ACMSD: variants seen among roughly 807,000 people sequenced by gnomAD.
ACMSD encodes aminocarboxymuconate semialdehyde decarboxylase, also known as 2-amino-3-carboxymuconate-6-semialdehyde decarboxylase.
ACMSD carries 37 observed loss-of-function variants against 45.9 expected under a neutral mutation model. That is an observed-to-expected ratio of 0.81 (90% confidence interval 0.62 to 1.06). ACMSD has a LOEUF of 1.06. Among genes scored for constraint, ACMSD ranks in the 50% least tolerant of loss-of-function variants. The pLI is 0.00. For missense variants in ACMSD, 434 were observed against 420.9 expected, an observed-to-expected ratio of 1.03 and a Z score of -0.27; for synonymous variants, 138 against 148.8, an observed-to-expected ratio of 0.93 and a Z score of 0.53.
chr2:134,867,527 C>A, intron 5 of ACMSD, 52 bp from the exon 6 acceptor site: 1 of 1,421,170 alleles, frequency 7.0e-7, no homozygotes, highest in Non-Finnish European at 9.9e-7. Context: ...TACCTGGTAT[C>A]TGCTCACTCA....
At chr2:134,872,743 A>G in intron 8 of ACMSD, 102 bp downstream of exon 8, 1 of 1,374,322 alleles carries the variant, frequency 7.3e-7, no homozygotes, top group Non-Finnish European at 1.0e-6. Context: ...GGATGGAAGA[A>G]AGGTATTAGA....
chr2:134,844,759 C>T (rs920844972), intron 1 of ACMSD, among the ~76,000 whole-genome samples: 1 of 152,112 alleles, frequency 6.6e-6, no homozygotes, highest in African/African-American at 2.4e-5. Flanking sequence ...GAGCGGGACA[C>T]CAACAGCATC....
chr2:134,895,141 T>C (rs1377211387), intron 8 of ACMSD, among the ~76,000 whole-genome samples: 1 of 150,954 alleles, frequency 6.6e-6, no homozygotes, highest in Admixed American at 6.6e-5. Context: ...ACATCCCTAC[T>C]AAAAATACAA....
At position 134,896,753 on chromosome 2, in the gene ACMSD, C is replaced by T. The variant is rs553934057; in HGVS notation, c.850-1588C>T. Among the ~76,000 whole-genome samples, 170 of 152,254 alleles carry T rather than the reference C, an allele frequency of 1.1e-3. 3 individuals are homozygous for T. Among genetic ancestry groups the T allele is most frequent in the Middle Eastern group, 6.8e-3 (2 of 294 alleles). ...GAAAATAGTTTCTCAAAATGTTAAACATGGACTCACCATATGCGCCAGCAC... is the reference window on the plus strand; with the variant it reads ...GAAAATAGTTTCTCAAAATGTTAAATATGGACTCACCATATGCGCCAGCAC... On this transcript the variant is annotated intron_variant, in intron 8 of 9. Coordinates refer to ENST00000356140, the MANE Select transcript of ACMSD (RefSeq NM_138326.3).
At chr2:134,858,419 C>A (rs1381557791) in intron 2 of ACMSD, among the ~76,000 whole-genome samples, 1 of 151,956 alleles carries the variant, frequency 6.6e-6, no homozygotes, top group African/African-American at 2.4e-5. Context: ...TTCAGTTAGA[C>A]AGGAGGAATA....
intron 9 of ACMSD, among the ~76,000 whole-genome samples, chr2:134,900,239 T>A (rs1022032699): frequency 2.4e-4 from 37 of 152,172 alleles, no homozygotes; most frequent in Admixed American, 2.3e-3. Flanking sequence ...AAATAATTCA[T>A]AAGTTTTAAA....
At chr2:134,884,000 G>T (rs1048870749) in intron 8 of ACMSD, among the ~76,000 whole-genome samples, 1 of 151,958 alleles carries the variant, frequency 6.6e-6, no homozygotes, top group Non-Finnish European at 1.5e-5. Flanking sequence ...TATGCCTATC[G>T]CTTTCTCTCT....
chr2:134,863,664 C>T (rs746791848), intron 5 of ACMSD, 33 bp downstream of exon 5: 105 of 1,607,410 alleles, frequency 6.5e-5, no homozygotes, highest in South Asian at 1.2e-4. Flanking sequence ...CAACGCCAGC[C>T]GCCCAGTGCC....
chr2:134,886,233 C>T (rs1169666700), intron 8 of ACMSD, among the ~76,000 whole-genome samples: 1 of 128,308 alleles, frequency 7.8e-6, no homozygotes, highest in African/African-American at 3.2e-5. Flanking sequence ...ATTACCCATT[C>T]ATTATTATTA....
intron 8 of ACMSD, among the ~76,000 whole-genome samples, chr2:134,897,139 G>GA (rs1690200849): frequency 6.6e-6 from 1 of 151,586 alleles, no homozygotes; most frequent in African/African-American, 2.4e-5. Context: ...TATGGTATGT[G>GA]AATTATATCT....
intron 2 of ACMSD, 144 bp downstream of exon 2, chr2:134,845,421 AT>A: frequency 2.5e-6 from 2 of 814,212 alleles, no homozygotes; most frequent in Non-Finnish European, 4.0e-6. Flanking sequence ...CAGCACTGAG[AT>A]TTCTCAGAAT....
rs375728090 is a variant in ACMSD, at chr2:134,901,813, G to A, written c.964G>A (p.Gly322Ser). The change falls in exon 10 of 10, where the codon GGC becomes AGC. Residue 322 changes from glycine (G) to serine (S), a missense_variant. Gly to Ser is a moderately conservative substitution (Grantham distance 56, BLOSUM62 0). Transcript: ENST00000356140. ...TTCTTTTCAGAATAAACTCAAAGCC[G>A]GCAATGCCCTGGCATTTTTGGGTCT... ...DEETKNKLKAGNALAFLGLER... is the reference protein window; with the variant it reads ...DEETKNKLKASNALAFLGLER... The A allele has an allele frequency of 7.8e-5, 125 of 1,598,456 alleles. No homozygotes were observed. Among genetic ancestry groups the A allele is most frequent in the African/African-American group, 6.0e-4 (45 of 74,680 alleles).
chr2:134,877,291 TATGTGATGC>T (rs1688787565), intron 8 of ACMSD, among the ~76,000 whole-genome samples: 1 of 152,182 alleles, frequency 6.6e-6, no homozygotes, highest in Non-Finnish European at 1.5e-5. Flanking sequence ...AAAACATCAT[TATGTGATGC>T]ATGACTGTAA....
intron 8 of ACMSD, among the ~76,000 whole-genome samples, chr2:134,887,822 G>A (rs1360635047): frequency 6.6e-6 from 1 of 152,092 alleles, no homozygotes; most frequent in African/African-American, 2.4e-5. Context: ...CATATGGGGG[G>A]GAAATGAACC....
At chr2:134,857,537 T>G (rs1481621546) in intron 2 of ACMSD, among the ~76,000 whole-genome samples, 2 of 152,166 alleles carry the variant, frequency 1.3e-5, no homozygotes, top group Non-Finnish European at 2.9e-5. Context: ...CAATTTTGTA[T>G]TCTGCAACGT....
At chr2:134,848,294 C>T (rs1687175841) in intron 2 of ACMSD, among the ~76,000 whole-genome samples, 1 of 152,196 alleles carries the variant, frequency 6.6e-6, no homozygotes, top group African/African-American at 2.4e-5. Flanking sequence ...GGTATATACC[C>T]AGTGATGAGA....
intron 8 of ACMSD, among the ~76,000 whole-genome samples, chr2:134,880,215 T>C (rs1688960176): frequency 6.6e-6 from 1 of 152,184 alleles, no homozygotes. Context: ...ACATCCTAAT[T>C]TTTGAAATTT....
At chr2:134,885,032 C>A (rs1018381533) in intron 8 of ACMSD, among the ~76,000 whole-genome samples, 1 of 150,522 alleles carries the variant, frequency 6.6e-6, no homozygotes, top group East Asian at 2.0e-4. Flanking sequence ...CCTGTCTCTA[C>A]GGAAAATTCA....
chr2:134,868,255 C>T (rs1211437315), intron 6 of ACMSD, among the ~76,000 whole-genome samples: 1 of 152,144 alleles, frequency 6.6e-6, no homozygotes, highest in African/African-American at 2.4e-5. Flanking sequence ...TGCCCTTTGC[C>T]TCCTGCACTA....
Sources: gnomAD v4.1 joint callset for allele counts (sites outside exome capture counted in the v4.1 genomes callset) on GRCh38, gnomAD v4.1.1 for gene constraint, MANE v1.5 for transcripts, NCBI Gene and HGNC (gene_info 2026-07-23, HGNC 2026-07-21) for gene names.